The following MIGA1 variants were observed in gnomAD, a reference collection of about 807,000 sequenced individuals.
MIGA1 encodes mitoguardin 1, also known as family with sequence similarity 73, member A.
Under a neutral mutation model 82.0 loss-of-function variants are expected in MIGA1, and 58 were observed. That is an observed-to-expected ratio of 0.71 (90% CI 0.57 to 0.88). The LOEUF (loss-of-function observed/expected upper bound fraction) is 0.88. Ranked by LOEUF, MIGA1 falls within the 40% of genes least tolerant of loss-of-function variation. The pLI is 0.00. For missense variants in MIGA1, 751 were observed against 749.1 expected (o/e 1.00, Z -0.03); for synonymous variants, 249 against 253.6 (o/e 0.98, Z 0.17).
At position 77,807,051 on chromosome 1, in the gene MIGA1, T is replaced by C; in HGVS notation, c.587T>C (p.Ile196Thr). The C allele has an allele frequency of 3.1e-6, 5 of 1,601,062 alleles. No individual in the cohort carries two copies. Among genetic ancestry groups the C allele is most frequent in the Non-Finnish European group, 4.3e-6 (5 of 1,168,420 alleles). ...TGGGACAAAGCAGATGAAGATGATA[T>C]TAAACTTGTTAATATTCCTGTGACT... The change falls in exon 5 of 16, where the codon ATT (isoleucine) becomes ACT (threonine). Residue 196 changes from isoleucine to threonine, a missense_variant. Coordinates refer to ENST00000370791, the MANE Select transcript of MIGA1 (RefSeq NM_198549.4).
At chr1:77,789,644 A>G (rs561009910) in intron 2 of MIGA1, among the ~76,000 whole-genome samples, 11 of 151,908 alleles carry the variant, frequency 7.2e-5, no homozygotes, top group Non-Finnish European at 1.6e-4. Flanking sequence ...GATGTTTTAA[A>G]CCATTGCATT....
intron 6 of MIGA1, among the ~76,000 whole-genome samples, chr1:77,814,449 T>A (rs1010683462): frequency 2.0e-5 from 3 of 151,956 alleles, no homozygotes; most frequent in Middle Eastern, 3.4e-3. Flanking sequence ...ACAGTGGTTG[T>A]TCATAGGAAC....
chr1:77,834,463 A>T (rs1400778321), intron 7 of MIGA1, among the ~76,000 whole-genome samples: 1 of 152,186 alleles, frequency 6.6e-6, no homozygotes, highest in Non-Finnish European at 1.5e-5. Context: ...GGCATGAGCC[A>T]CTGCACCTGC....
At chr1:77,855,331 G>A (rs1685209525) in intron 8 of MIGA1, among the ~76,000 whole-genome samples, 1 of 152,124 alleles carries the variant, frequency 6.6e-6, no homozygotes, top group Admixed American at 6.6e-5. Flanking sequence ...GTCGTGTGAT[G>A]CCTCCAGAAT....
chr1:77,826,366 A>T (rs1022573962), intron 7 of MIGA1, among the ~76,000 whole-genome samples: 3 of 152,190 alleles, frequency 2.0e-5, no homozygotes, highest in Non-Finnish European at 4.4e-5. Flanking sequence ...ATTATTCTAG[A>T]TGTAGCTAAG....
rs538573133 is a variant in MIGA1 at position 77,819,175 on chromosome 1, G to A, written c.895+3944G>A. On this transcript the variant is annotated intron_variant, in intron 7 of 15. Coordinates refer to ENST00000370791, the MANE Select transcript of MIGA1 (RefSeq NM_198549.4). ...CTATCATCCCTATTTTTCAGATGGGGAAAGTGAAGTACAGAGGCATTAATA... is the reference window on the plus strand; with the variant it reads ...CTATCATCCCTATTTTTCAGATGGGAAAAGTGAAGTACAGAGGCATTAATA... Among the ~76,000 whole-genome samples the A allele has an allele frequency of 6.6e-5, 10 of 152,062 alleles. No individual in the cohort carries two copies. In the South Asian group the frequency reaches 1.5e-3, roughly 22 times the overall value.
At chr1:77,870,832 G>C (rs1316801496) in intron 14 of MIGA1, among the ~76,000 whole-genome samples, 1 of 151,448 alleles carries the variant, frequency 6.6e-6, no homozygotes, top group Admixed American at 6.6e-5. Context: ...CTGCAATCCC[G>C]GCACCTCGGG....
intron 13 of MIGA1, among the ~76,000 whole-genome samples, chr1:77,865,634 A>G (rs1158545611): frequency 6.6e-6 from 1 of 152,162 alleles, no homozygotes; most frequent in Non-Finnish European, 1.5e-5. Context: ...TATTACACAT[A>G]GAATATTTAT....
intron 6 of MIGA1, 45 bp downstream of exon 6, chr1:77,813,912 CA>C: frequency 1.9e-6 from 3 of 1,599,238 alleles, no homozygotes; most frequent in Non-Finnish European, 2.6e-6. Context: ...TTAGAAGAAT[CA>C]AACTTTTTTT....
intron 7 of MIGA1, among the ~76,000 whole-genome samples, chr1:77,820,526 A>G (rs1683763091): frequency 6.6e-6 from 1 of 152,194 alleles, no homozygotes; most frequent in South Asian, 2.1e-4. Flanking sequence ...GAACAGGGTA[A>G]CAATGTGTAT....
In MIGA1 at chr1:77,803,411, G is replaced by A. The variant is rs1682966085; in HGVS notation, c.510+5G>A. 2 of 1,429,304 alleles carry A rather than the reference G, an allele frequency of 1.4e-6. No homozygotes were observed. The highest frequency in any genetic ancestry group is 2.9e-5 in the African/African-American group (2 of 67,948). The allele number at this position is 1,429,304 out of a possible 1,614,324, so 88.5% of individuals were successfully genotyped here. A position where few individuals can be genotyped will look rare whatever the true frequency, so the allele number is the denominator to read the frequency against. ...TCTGCACAGAGTTTGGCCTCTGTAAGTACAGAAAAAATATTAATTTTTAAA... is the reference window on the plus strand; with the variant it reads ...TCTGCACAGAGTTTGGCCTCTGTAAATACAGAAAAAATATTAATTTTTAAA... On this transcript the variant is annotated splice_donor_5th_base_variant and intron_variant, in intron 4 of 15. Transcript: ENST00000370791.
intron 2 of MIGA1, among the ~76,000 whole-genome samples, chr1:77,800,517 A>T (rs1035635111): frequency 3.9e-5 from 6 of 152,202 alleles, no homozygotes; most frequent in Non-Finnish European, 8.8e-5. Context: ...AGCTCTCAAC[A>T]TTCCAAGCCT....
At chr1:77,841,976 C>A (rs1334552915) in intron 7 of MIGA1, among the ~76,000 whole-genome samples, 1 of 144,402 alleles carries the variant, frequency 6.9e-6, no homozygotes, top group Non-Finnish European at 1.5e-5. Context: ...TGGACGAGGT[C>A]TCACTGTGTT....
In MIGA1 at chr1:77,879,515, T is replaced by C; in HGVS notation, c.*4451T>C. 6.6e-6 allele frequency: 1 copy of C among 152,190 alleles called. No homozygotes were observed. Among genetic ancestry groups the C allele is most frequent in the East Asian group, 1.9e-4 (1 of 5,200 alleles). The allele number at this position is 152,190 out of a possible 1,614,324, so 9.4% of individuals were successfully genotyped here. A position where few individuals can be genotyped will look rare whatever the true frequency, so the allele number is the denominator to read the frequency against. ...CACTGTAACATGGATGTATTACTATTACTGCCAAATAAAAAAGTGATGGTA... is the reference window on the plus strand; with the variant it reads ...CACTGTAACATGGATGTATTACTATCACTGCCAAATAAAAAAGTGATGGTA... On this transcript the variant is annotated 3_prime_UTR_variant, in exon 16 of 16. Coordinates refer to ENST00000370791, the MANE Select transcript of MIGA1 (RefSeq NM_198549.4).
intron 7 of MIGA1, among the ~76,000 whole-genome samples, chr1:77,826,079 A>G (rs529227954): frequency 5.9e-5 from 9 of 152,350 alleles, no homozygotes; most frequent in Admixed American, 5.2e-4. Flanking sequence ...CAGTTTAAAG[A>G]GGCCTGTTCT....
intron 14 of MIGA1, among the ~76,000 whole-genome samples, chr1:77,869,674 CGGGGCGGCCGGCT>C (rs1202352817): frequency 4.9e-5 from 6 of 123,078 alleles, no homozygotes; most frequent in African/African-American, 1.9e-4. Flanking sequence ...ACCTCCCGGA[CGGGGCGGCCGGCT>C]GGGCGGGGGG....
intron 5 of MIGA1, among the ~76,000 whole-genome samples, 188 bp from the exon 6 acceptor site, chr1:77,813,546 G>A (rs775492731): frequency 6.6e-6 from 1 of 152,104 alleles, no homozygotes; most frequent in African/African-American, 2.4e-5. Flanking sequence ...CTGATTTTTG[G>A]TTAACTGGAA....
intron 14 of MIGA1, among the ~76,000 whole-genome samples, chr1:77,866,650 G>A (rs1029026939): frequency 5.3e-5 from 8 of 149,664 alleles, no homozygotes; most frequent in Non-Finnish European, 1.2e-4. Context: ...GCTCTGATAA[G>A]TTTTAGGTTT....
intron 7 of MIGA1, among the ~76,000 whole-genome samples, chr1:77,824,970 T>C (rs934688530): frequency 2.6e-5 from 4 of 151,056 alleles, no homozygotes; most frequent in African/African-American, 9.7e-5. Flanking sequence ...CAATAGTTAT[T>C]TGTTCTATTC....
Sources: gnomAD v4.1 joint callset for allele counts (sites outside exome capture counted in the v4.1 genomes callset) on GRCh38, gnomAD v4.1.1 for gene constraint, MANE v1.5 for transcripts, NCBI Gene and HGNC (gene_info 2026-07-23, HGNC 2026-07-21) for gene names.